PRH1: variants seen among roughly 807,000 people sequenced by gnomAD.
PRH1 encodes the protein salivary acidic proline-rich phosphoprotein 1/2.
A neutral mutation model predicts 7.9 loss-of-function variants in PRH1; 7 were observed. The ratio of observed to expected loss-of-function variants is 0.89; its 90% CI spans 0.50 to 1.67. PRH1 has a LOEUF of 1.67. PRH1 is among the 40% of genes most tolerant of loss of function. PRH1 has a pLI of 0.00. For missense variants in PRH1, 109 were observed against 223.6 expected (o/e 0.49, Z 3.27); for synonymous variants, 45 against 80.8 (o/e 0.56, Z 2.38).
intron 1 of PRH1, among the ~76,000 whole-genome samples, chr12:11,125,985 C>T (rs76576918): frequency 0.098 from 10,382 of 106,312 alleles, no homozygotes; most frequent in Middle Eastern, 0.11. Context: ...ATGGTGTCTA[C>T]AAGAATGTTT....
At chr12:11,033,128 C>G (rs143770328) in intron 1 of PRH1, among the ~76,000 whole-genome samples, 1 of 152,012 alleles carries the variant, frequency 6.6e-6, no homozygotes, top group African/African-American at 2.4e-5. Flanking sequence ...CCAGCGCAGG[C>G]GAGGTTGAGG....
intron 1 of PRH1, chr12:10,997,062 G>T: frequency 6.2e-7 from 1 of 1,613,998 alleles, no homozygotes; most frequent in Non-Finnish European, 8.5e-7. Flanking sequence ...TGGAATGATG[G>T]ATATATGATT....
At chr12:10,925,780 TTGTAA>T (rs1234102563) in intron 2 of PRH1, among the ~76,000 whole-genome samples, 1 of 152,218 alleles carries the variant, frequency 6.6e-6, no homozygotes, top group Non-Finnish European at 1.5e-5. Context: ...CCTTCTCATA[TTGTAA>T]TAATGAAATG....
chr12:11,024,683 C>G (rs1941822385), intron 1 of PRH1, among the ~76,000 whole-genome samples: 1 of 151,850 alleles, frequency 6.6e-6, no homozygotes, highest in Non-Finnish European at 1.5e-5. Context: ...ATTTATCCAT[C>G]CTTATTTGAT....
At chr12:10,902,386 C>T (rs1401643660) in intron 2 of PRH1, among the ~76,000 whole-genome samples, 1 of 152,064 alleles carries the variant, frequency 6.6e-6, no homozygotes, top group African/African-American at 2.4e-5. Context: ...CAACCAAACT[C>T]ATAAACTGCT....
intron 1 of PRH1, among the ~76,000 whole-genome samples, chr12:11,046,847 C>T (rs1057419242): frequency 6.6e-6 from 1 of 152,060 alleles, no homozygotes; most frequent in African/African-American, 2.4e-5. Flanking sequence ...ATTAGTTTTA[C>T]AACTTAGTCT....
chr12:11,037,751 AG>A (rs1202678643), intron 1 of PRH1, among the ~76,000 whole-genome samples: 1 of 152,230 alleles, frequency 6.6e-6, no homozygotes, highest in African/African-American at 2.4e-5. Context: ...ATTTAAGAAA[AG>A]TTTTAGGTCA....
intron 1 of PRH1, among the ~76,000 whole-genome samples, chr12:11,063,873 A>G (rs1360471396): frequency 6.6e-6 from 1 of 152,148 alleles, no homozygotes; most frequent in African/African-American, 2.4e-5. Context: ...TTAGAGTTGT[A>G]TAACAATGTA....
intron 1 of PRH1, among the ~76,000 whole-genome samples, chr12:11,005,766 T>C (rs768620739): frequency 1.3e-5 from 2 of 152,108 alleles, no homozygotes; most frequent in Non-Finnish European, 2.9e-5. Flanking sequence ...TCAGTCAATT[T>C]TCAATATTTA....
chr12:11,095,161 T>C (rs1271420822), intron 1 of PRH1, among the ~76,000 whole-genome samples: 1 of 14,674 alleles, frequency 6.8e-5, no homozygotes, highest in Non-Finnish European at 1.8e-4. Context: ...ATGGAATTAC[T>C]GTAATGATTC....
chr12:11,032,637 A>C (rs4763616), intron 1 of PRH1, among the ~76,000 whole-genome samples: 66,649 of 152,008 alleles, frequency 0.44, 15,422 homozygotes, highest in Non-Finnish European at 0.51. Context: ...GCCCATGAAT[A>C]ATATTTATTT....
At chr12:10,998,211 T>A (rs1317875104) in intron 1 of PRH1, among the ~76,000 whole-genome samples, 1 of 152,190 alleles carries the variant, frequency 6.6e-6, no homozygotes, top group Non-Finnish European at 1.5e-5. Context: ...AATAAAGACA[T>A]ATCCTCTTTC....
intron 1 of PRH1, among the ~76,000 whole-genome samples, chr12:11,168,212 A>C (rs1447824567): frequency 3.7e-5 from 1 of 27,348 alleles, no homozygotes; most frequent in African/African-American, 6.2e-5. Context: ...AAAGAAAGAA[A>C]GAAGAAAGAA....
intron 1 of PRH1, among the ~76,000 whole-genome samples, chr12:10,983,022 C>A (rs1252563917): frequency 2.6e-5 from 4 of 152,124 alleles, no homozygotes; most frequent in Admixed American, 1.3e-4. Flanking sequence ...GAAACAAAAA[C>A]GGGCTCTATA....
intron 1 of PRH1, chr12:11,022,166 G>GTGAT (rs1941682709): frequency 6.3e-7 from 1 of 1,595,544 alleles, no homozygotes; most frequent in Non-Finnish European, 8.5e-7. Flanking sequence ...AATACCAAGG[G>GTGAT]CCCCAACAGT....
chr12:11,132,551 C>A (rs1430510790), intron 1 of PRH1, among the ~76,000 whole-genome samples: 1 of 130,790 alleles, frequency 7.6e-6, no homozygotes, highest in Admixed American at 7.7e-5. Context: ...CATATGGAAG[C>A]TGATAATAGC....
intron 1 of PRH1, among the ~76,000 whole-genome samples, chr12:11,097,657 C>A (rs1945103590): frequency 8.8e-6 from 1 of 113,946 alleles, no homozygotes; most frequent in African/African-American, 2.9e-5. Flanking sequence ...CAATGATGAT[C>A]TTTTTAAAAT....
At chr12:10,904,824 A>C (rs1434297277) in intron 2 of PRH1, among the ~76,000 whole-genome samples, 1 of 152,124 alleles carries the variant, frequency 6.6e-6, no homozygotes, top group Non-Finnish European at 1.5e-5. Flanking sequence ...GAAACAATTG[A>C]ACAAGCAGAA....
At chr12:11,066,119 T>C (rs983439552) in intron 1 of PRH1, among the ~76,000 whole-genome samples, 19 of 124,284 alleles carry the variant, frequency 1.5e-4, no homozygotes, top group Middle Eastern at 3.7e-3. Flanking sequence ...TTATGAAAGA[T>C]TGAAGAACTT....
Sources: gnomAD v4.1 joint callset for allele counts (sites outside exome capture counted in the v4.1 genomes callset) on GRCh38, gnomAD v4.1.1 for gene constraint, MANE v1.5 for transcripts, NCBI Gene and HGNC (gene_info 2026-07-23, HGNC 2026-07-21) for gene names.